The following GASK1A variants were observed in gnomAD, a reference collection of about 807,000 sequenced individuals.
GASK1A encodes the protein Golgi-associated kinase 1A.
In GASK1A, 40 loss-of-function variants were observed where a neutral mutation model predicts 41.2. The observed-to-expected ratio is 0.97, with a 90% CI of 0.75 to 1.27. GASK1A has a LOEUF of 1.27. Among genes scored for constraint, GASK1A ranks in the 50% most tolerant of loss-of-function variants. The probability of loss-of-function intolerance (pLI) is 0.00; values close to 1 mark genes in which losing one functional copy is unlikely to be tolerated. For missense variants in GASK1A, 678 were observed against 745.1 expected (o/e 0.91, Z 1.05); for synonymous variants, 316 against 307.1 (o/e 1.03, Z -0.30).
intron 2 of GASK1A, among the ~76,000 whole-genome samples, chr3:43,052,244 AC>A (rs1253848120): frequency 6.6e-6 from 1 of 152,060 alleles, no homozygotes; most frequent in Non-Finnish European, 1.5e-5. Context: ...CCCACACCAA[AC>A]CTGAACTCAA....
intron 1 of GASK1A, among the ~76,000 whole-genome samples, chr3:43,013,953 AG>A (rs1400614502): frequency 6.7e-6 from 1 of 149,140 alleles, no homozygotes; most frequent in African/African-American, 2.5e-5. Context: ...AGTCACAGGA[AG>A]GGTAATGTGA....
At chr3:43,044,808 A>G (rs922355732) in intron 2 of GASK1A, among the ~76,000 whole-genome samples, 6 of 152,218 alleles carry the variant, frequency 3.9e-5, no homozygotes, top group African/African-American at 1.4e-4. Flanking sequence ...TTCAGTGCAC[A>G]TAAGGTTTTA....
At chr3:43,055,929 T>C in intron 4 of GASK1A, 1 of 509,886 alleles carries the variant, frequency 2.0e-6, no homozygotes, top group East Asian at 3.4e-5. Flanking sequence ...GCGGAATTTA[T>C]TCACCTGGCT....
intron 2 of GASK1A, among the ~76,000 whole-genome samples, chr3:43,036,169 T>C (rs2089603126): frequency 1.3e-5 from 2 of 152,212 alleles, no homozygotes; most frequent in Non-Finnish European, 2.9e-5. Context: ...CAAGTCTCTG[T>C]AGCCAAAGCA....
intron 1 of GASK1A, among the ~76,000 whole-genome samples, chr3:43,021,962 A>G (rs1389835721): frequency 6.6e-6 from 1 of 152,114 alleles, no homozygotes; most frequent in Admixed American, 6.6e-5. Flanking sequence ...TAGCTGTAGA[A>G]CCACACAGTG....
At chr3:42,994,876 T>C (rs2089361684) in intron 1 of GASK1A, among the ~76,000 whole-genome samples, 1 of 152,098 alleles carries the variant, frequency 6.6e-6, no homozygotes, top group South Asian at 2.1e-4. Context: ...TATTCAAATA[T>C]CTCCAGAGTT....
intron 1 of GASK1A, among the ~76,000 whole-genome samples, chr3:43,015,974 G>T (rs527441842): frequency 6.6e-6 from 1 of 151,990 alleles, no homozygotes; most frequent in Non-Finnish European, 1.5e-5. Context: ...CACAGGAAGG[G>T]TCTGTGTGAA....
intron 1 of GASK1A, among the ~76,000 whole-genome samples, chr3:43,013,991 C>T (rs2125680546): frequency 6.6e-6 from 1 of 151,588 alleles, no homozygotes; most frequent in East Asian, 2.0e-4. Context: ...TGTGTGAAGC[C>T]ACAGAATGGG....
At chr3:43,021,691 A>G (rs1419991756) in intron 1 of GASK1A, among the ~76,000 whole-genome samples, 8 of 152,174 alleles carry the variant, frequency 5.3e-5, no homozygotes, top group Non-Finnish European at 1.0e-4. Context: ...TCCCCATTTT[A>G]TAGCTGAGGA....
chr3:43,033,305 G>A lies in GASK1A; in HGVS notation c.1042G>A (p.Ala348Thr). The change falls in exon 2 of 5, where the codon GCC becomes ACC. Residue 348 changes from alanine (A) to threonine (T), a missense_variant. By Grantham distance (58) the Ala-to-Thr change is moderately conservative. Coordinates refer to ENST00000430121, the MANE Select transcript of GASK1A (RefSeq NM_001129908.3). The part of the protein sequence containing the change: ...LGLRRSLPAV[A>T]RRFHSPLLPY... Reference sequence around the variant, plus strand: ...GCTGCGCCGGAGCCTACCTGCTGTGGCCCGCCGCTTCCATAGCCCCCTCCT... The same window carrying A: ...GCTGCGCCGGAGCCTACCTGCTGTGACCCGCCGCTTCCATAGCCCCCTCCT... 1 of 1,551,216 alleles carries A rather than the reference G, an allele frequency of 6.4e-7. No individual in the cohort carries two copies. Among genetic ancestry groups the A allele is most frequent in the Non-Finnish European group, 8.7e-7 (1 of 1,146,854 alleles).
At chr3:42,992,889 A>G (rs2089349090) in intron 1 of GASK1A, among the ~76,000 whole-genome samples, 1 of 152,228 alleles carries the variant, frequency 6.6e-6, no homozygotes. Context: ...AAAAAGGTAA[A>G]GTGACGTACA....
At chr3:43,036,584 G>A (rs1040628689) in intron 2 of GASK1A, among the ~76,000 whole-genome samples, 5 of 152,180 alleles carry the variant, frequency 3.3e-5, no homozygotes, top group Non-Finnish European at 1.5e-5. Flanking sequence ...ATTAGTTAGT[G>A]ATTGCTGAAA....
intron 2 of GASK1A, among the ~76,000 whole-genome samples, chr3:43,043,094 G>C (rs2089645705): frequency 6.6e-6 from 1 of 152,200 alleles, no homozygotes; most frequent in Non-Finnish European, 1.5e-5. Context: ...GGGAAGGGGA[G>C]TTGGCTCTCC....
intron 1 of GASK1A, among the ~76,000 whole-genome samples, chr3:43,023,110 G>A (rs2089530092): frequency 1.3e-5 from 2 of 152,188 alleles, no homozygotes; most frequent in African/African-American, 4.8e-5. Context: ...TTGAGATGGG[G>A]AACTTACTGT....
chr3:43,046,841 C>T (rs1334758188), intron 2 of GASK1A, among the ~76,000 whole-genome samples: 2 of 152,184 alleles, frequency 1.3e-5, no homozygotes, highest in Non-Finnish European at 2.9e-5. Context: ...CAAAAAGGGG[C>T]CAAAGTACAG....
chr3:43,033,305 G>T lies in GASK1A; in HGVS notation c.1042G>T (p.Ala348Ser). 2 of 1,551,216 alleles carry T rather than the reference G, an allele frequency of 1.3e-6. No individual in the cohort carries two copies. ...GCTGCGCCGGAGCCTACCTGCTGTG[G>T]CCCGCCGCTTCCATAGCCCCCTCCT... ...LGLRRSLPAV[A>S]RRFHSPLLPY... The change falls in exon 2 of 5, where the codon GCC becomes TCC. Residue 348 changes from alanine to serine, a missense_variant. Ala to Ser is a moderately conservative substitution (Grantham distance 99). Transcript: ENST00000430121.
At position 42,982,263 on chromosome 3, in the gene GASK1A, C is replaced by G. The variant is rs547683908; in HGVS notation, c.3+2618C>G. Among the ~76,000 whole-genome samples, 129 of 152,016 alleles carry G rather than the reference C, an allele frequency of 8.5e-4. 1 individual carries two copies. Among genetic ancestry groups the G allele is most frequent in the African/African-American group, 2.9e-3 (121 of 41,476 alleles). Reference sequence around the variant, plus strand: ...ACTTGATGAAAAATATTGATAGAATCAGATATATATGTGTTGGGTTAAAAA... The same window carrying G: ...ACTTGATGAAAAATATTGATAGAATGAGATATATATGTGTTGGGTTAAAAA... On this transcript the variant is annotated intron_variant, in intron 1 of 4. Transcript: ENST00000430121.
intron 2 of GASK1A, among the ~76,000 whole-genome samples, chr3:43,036,629 C>T (rs919432298): frequency 1.3e-5 from 2 of 152,196 alleles, no homozygotes; most frequent in Non-Finnish European, 2.9e-5. Context: ...AACTCAGTGG[C>T]TTAAAACACC....
chr3:43,014,715 G>C (rs891487326), intron 1 of GASK1A, among the ~76,000 whole-genome samples: 1 of 151,494 alleles, frequency 6.6e-6, no homozygotes, highest in Non-Finnish European at 1.5e-5. Context: ...AGGAAGGCGT[G>C]GTATGAAGTC....
Sources: gnomAD v4.1 joint callset for allele counts (sites outside exome capture counted in the v4.1 genomes callset) on GRCh38, gnomAD v4.1.1 for gene constraint, MANE v1.5 for transcripts, NCBI Gene and HGNC (gene_info 2026-07-23, HGNC 2026-07-21) for gene names.